The following NLGN1 variants were observed in gnomAD, a reference collection of about 807,000 sequenced individuals.
NLGN1 encodes neuroligin 1.
NLGN1 carries 12 observed loss-of-function variants against 65.5 expected under a neutral mutation model. That is an observed-to-expected ratio of 0.18 (90% confidence interval 0.12 to 0.30). NLGN1 has a LOEUF of 0.30. Ranked by LOEUF, NLGN1 falls within the 10% of genes least tolerant of loss-of-function variation. The pLI, the probability that NLGN1 is intolerant of heterozygous loss-of-function variation, is 1.00. For synonymous variants in NLGN1, 350 were observed against 359.5 expected (o/e 0.97, Z 0.30); for missense variants, 750 against 1,007.1 (o/e 0.74, Z 3.46).
intron 2 of NLGN1, among the ~76,000 whole-genome samples, chr3:173,603,755 A>G (rs958531382): frequency 6.6e-6 from 1 of 152,028 alleles, no homozygotes; most frequent in Non-Finnish European, 1.5e-5. Flanking sequence ...ACTCATATGA[A>G]TTTTCTTGTC....
At chr3:174,094,351 C>T (rs1451676556) in intron 4 of NLGN1, among the ~76,000 whole-genome samples, 1 of 152,014 alleles carries the variant, frequency 6.6e-6, no homozygotes, top group Admixed American at 6.5e-5. Context: ...AGACTTGTAG[C>T]TATAGAGCGA....
intron 2 of NLGN1, among the ~76,000 whole-genome samples, chr3:173,598,248 A>G (rs1222649474): frequency 1.3e-5 from 2 of 152,186 alleles, no homozygotes; most frequent in African/African-American, 4.8e-5. Context: ...TTGGTGGTTA[A>G]CCAACTGCAC....
intron 4 of NLGN1, among the ~76,000 whole-genome samples, chr3:173,875,767 C>A (rs1161651460): frequency 6.6e-6 from 1 of 152,176 alleles, no homozygotes; most frequent in Non-Finnish European, 1.5e-5. Context: ...TATAAGGAAG[C>A]TTCTTCCTCT....
At chr3:173,482,590 C>A (rs937517178) in intron 2 of NLGN1, among the ~76,000 whole-genome samples, 2 of 151,752 alleles carry the variant, frequency 1.3e-5, no homozygotes, top group African/African-American at 4.8e-5. Context: ...TATATTTTAA[C>A]ATGGTCTCTT....
At chr3:174,171,619 T>A (rs973332575) in intron 4 of NLGN1, among the ~76,000 whole-genome samples, 3 of 152,206 alleles carry the variant, frequency 2.0e-5, no homozygotes, top group Admixed American at 6.6e-5. Flanking sequence ...CTAATAAAAT[T>A]GGGTAAAATG....
At chr3:173,447,257 G>T (rs957781729) in intron 2 of NLGN1, among the ~76,000 whole-genome samples, 1 of 152,146 alleles carries the variant, frequency 6.6e-6, no homozygotes, top group East Asian at 1.9e-4. Flanking sequence ...TGTAAGGAAG[G>T]GATCCAGTTT....
At chr3:173,795,778 A>T (rs1713912286) in intron 3 of NLGN1, among the ~76,000 whole-genome samples, 1 of 152,146 alleles carries the variant, frequency 6.6e-6, no homozygotes, top group Non-Finnish European at 1.5e-5. Context: ...ATTTTACCCC[A>T]AGAGAATACA....
chr3:173,410,190 C>G (rs549431015), intron 1 of NLGN1, among the ~76,000 whole-genome samples: 1 of 152,268 alleles, frequency 6.6e-6, no homozygotes, highest in Non-Finnish European at 1.5e-5. Flanking sequence ...CATTCCTTCA[C>G]CAGGCTATTC....
rs1339499351 is a variant in NLGN1 at position 174,228,844 on chromosome 3, T to TC, written c.647-46470dup. ...AACCAAGAAATAGTACAAATATTGA[T>TC]CATGTAAGTAGACTATTATATTTAT... On this transcript the variant is annotated intron_variant, in intron 4 of 6. Transcript: ENST00000457714. Among the ~76,000 whole-genome samples, 49 of 152,090 alleles carry TC rather than the reference T, an allele frequency of 3.2e-4. 1 individual carries two copies. Among genetic ancestry groups the TC allele is most frequent in the Admixed American group, 2.9e-3 (44 of 15,260 alleles).
chr3:174,265,991 T>G (rs1277129795), intron 4 of NLGN1, among the ~76,000 whole-genome samples: 1 of 147,986 alleles, frequency 6.8e-6, no homozygotes, highest in African/African-American at 2.5e-5. Flanking sequence ...TGTATATATG[T>G]ATATATATAT....
At chr3:173,713,864 AG>A (rs1395810410) in intron 3 of NLGN1, among the ~76,000 whole-genome samples, 1 of 152,100 alleles carries the variant, frequency 6.6e-6, no homozygotes, top group African/African-American at 2.4e-5. Context: ...CCTATATTGT[AG>A]GGTGCATTGT....
intron 2 of NLGN1, among the ~76,000 whole-genome samples, chr3:173,440,792 C>G (rs1719025250): frequency 1.3e-5 from 2 of 152,186 alleles, no homozygotes; most frequent in South Asian, 2.1e-4. Context: ...TGATAAATGA[C>G]CAGTGGTTTC....
intron 4 of NLGN1, among the ~76,000 whole-genome samples, chr3:173,970,250 C>G (rs1715906225): frequency 6.6e-6 from 1 of 152,028 alleles, no homozygotes; most frequent in African/African-American, 2.4e-5. Context: ...GAGGGTGAAA[C>G]AAGTAAACAT....
chr3:174,283,455 T>C (rs781475618), exon 7 of NLGN1: 7 of 151,436 alleles, frequency 4.6e-5, no homozygotes, highest in Non-Finnish European at 1.0e-4. Flanking sequence ...ATTCTAGTCA[T>C]CAAGGAAAAG....
At chr3:173,821,794 A>G (rs1720357414) in intron 4 of NLGN1, among the ~76,000 whole-genome samples, 1 of 152,166 alleles carries the variant, frequency 6.6e-6, no homozygotes, top group Admixed American at 6.5e-5. Flanking sequence ...GCGATATTTT[A>G]CTATAATTCA....
intron 3 of NLGN1, among the ~76,000 whole-genome samples, chr3:173,719,411 C>T (rs1004328101): frequency 2.6e-5 from 4 of 151,996 alleles, no homozygotes; most frequent in Non-Finnish European, 5.9e-5. Flanking sequence ...CAAAAGTGAC[C>T]GTCCCAGTAT....
intron 2 of NLGN1, among the ~76,000 whole-genome samples, chr3:173,574,477 T>C (rs1453080325): frequency 6.6e-6 from 1 of 152,032 alleles, no homozygotes; most frequent in East Asian, 1.9e-4. Context: ...AATTAAACTC[T>C]TTATTAGTAA....
intron 3 of NLGN1, among the ~76,000 whole-genome samples, chr3:173,778,434 A>G (rs1451707890): frequency 6.6e-6 from 1 of 151,996 alleles, no homozygotes; most frequent in South Asian, 2.1e-4. Context: ...CAATGTTTCC[A>G]TCTTGTTACA....
At chr3:173,687,692 A>G (rs1764877044) in intron 3 of NLGN1, among the ~76,000 whole-genome samples, 2 of 152,210 alleles carry the variant, frequency 1.3e-5, no homozygotes, top group Non-Finnish European at 2.9e-5. Flanking sequence ...ATAACTATAC[A>G]TATTTATTTC....
Sources: gnomAD v4.1 joint callset for allele counts (sites outside exome capture counted in the v4.1 genomes callset) on GRCh38, gnomAD v4.1.1 for gene constraint, MANE v1.5 for transcripts, NCBI Gene and HGNC (gene_info 2026-07-23, HGNC 2026-07-21) for gene names.